The following SH3BP4 variants were observed in gnomAD, a reference collection of about 807,000 sequenced individuals.
The protein encoded by SH3BP4 is SH3 domain binding protein 4.
SH3BP4 carries 33 observed loss-of-function variants against 65.5 expected under a neutral mutation model. The ratio of observed to expected loss-of-function variants is 0.50; its 90% CI spans 0.38 to 0.67. The LOEUF (loss-of-function observed/expected upper bound fraction) is 0.67. SH3BP4 is among the 30% of genes least tolerant of loss of function. SH3BP4 has a pLI of 0.00. For missense variants in SH3BP4, 1,134 were observed against 1,261.4 expected, an observed-to-expected ratio of 0.90 and a Z score of 1.53; for synonymous variants, 552 against 545.5, an observed-to-expected ratio of 1.01 and a Z score of -0.17.
chr2:234,988,638 C>T (rs987832769), intron 1 of SH3BP4, among the ~76,000 whole-genome samples: 1 of 152,158 alleles, frequency 6.6e-6, no homozygotes, highest in African/African-American at 2.4e-5. Context: ...CCTCCTCCAC[C>T]GCCCTGCCAG....
Position 235,026,523 on chromosome 2 carries a change from A to C in SH3BP4, c.-132-8348A>C, listed in dbSNP as rs1432404817. ...TCCATTCTTTTGTTGATTTGTCTCC[A>C]ATACGGGTTCCCTCAAAACCAACTC... On this transcript the variant is annotated intron_variant, in intron 2 of 5. Transcript: ENST00000392011. This position sits in a 1 kb window ranked among gnomAD's most constrained non-coding sequence, Gnocchi z 4.6. Among the ~76,000 whole-genome samples the C allele has an allele frequency of 1.3e-5, 2 of 152,108 alleles. No individual in the cohort carries two copies. Among genetic ancestry groups the C allele is most frequent in the Admixed American group, 1.3e-4 (2 of 15,270 alleles).
At chr2:234,964,970 G>A (rs562902350) in intron 1 of SH3BP4, among the ~76,000 whole-genome samples, 8 of 152,226 alleles carry the variant, frequency 5.3e-5, no homozygotes, top group Non-Finnish European at 1.0e-4. Context: ...CTGGCACTAC[G>A]TGTAGCAGAG....
chr2:234,990,524 T>C (rs1039699585), intron 1 of SH3BP4, among the ~76,000 whole-genome samples: 21 of 152,278 alleles, frequency 1.4e-4, no homozygotes, highest in African/African-American at 4.8e-4. Context: ...TGTGTGTTCC[T>C]GCATATTCCC....
Position 234,978,495 on chromosome 2 carries a change from C to G in SH3BP4, c.-206-16808C>G, listed in dbSNP as rs539580884. Reference sequence around the variant, plus strand: ...GGTCATCCGTCCAGCACTCTGTGCTCGCTGACTGGTGCGGTGAACTCTCCG... The same window carrying G: ...GGTCATCCGTCCAGCACTCTGTGCTGGCTGACTGGTGCGGTGAACTCTCCG... On this transcript the variant is annotated intron_variant, in intron 1 of 5. Transcript: ENST00000392011. This position sits in a 1 kb window ranked among gnomAD's most constrained non-coding sequence, Gnocchi z 4.1. 6.6e-6 allele frequency among the ~76,000 whole-genome samples: 1 copy of G among 152,222 alleles called. No homozygotes were observed.
chr2:235,028,848 C>T (rs557630859), intron 2 of SH3BP4, among the ~76,000 whole-genome samples: 9 of 152,188 alleles, frequency 5.9e-5, no homozygotes, highest in Admixed American at 1.3e-4. Flanking sequence ...GCAAAGGCCC[C>T]GTGGTGGGAG....
At chr2:234,955,827 A>T (rs1692573190) in intron 1 of SH3BP4, among the ~76,000 whole-genome samples, 1 of 152,204 alleles carries the variant, frequency 6.6e-6, no homozygotes. Flanking sequence ...TTGAATCCTC[A>T]CGAAAACTAC....
chr2:234,997,344 C>G lies in SH3BP4; in HGVS notation c.-133+1968C>G, dbSNP rs901261128. On this transcript the variant is annotated intron_variant, in intron 2 of 5. Coordinates refer to ENST00000392011, the MANE Select transcript of SH3BP4 (RefSeq NM_014521.3). This position sits in a 1 kb window ranked among gnomAD's most constrained non-coding sequence, Gnocchi z 4.2. Reference sequence around the variant, plus strand: ...ACCCAGGGTTTCCATTTCCAGGCCCCGAGTTTTGTCCGTGGCAAATTTCGT... The same window carrying G: ...ACCCAGGGTTTCCATTTCCAGGCCCGGAGTTTTGTCCGTGGCAAATTTCGT... 6.6e-6 allele frequency among the ~76,000 whole-genome samples: 1 copy of G among 152,176 alleles called. No homozygotes were observed. Among genetic ancestry groups the G allele is most frequent in the Non-Finnish European group, 1.5e-5 (1 of 68,034 alleles).
intron 2 of SH3BP4, among the ~76,000 whole-genome samples, chr2:235,003,832 G>C (rs1694208113): frequency 1.3e-5 from 2 of 152,212 alleles, no homozygotes; most frequent in Non-Finnish European, 2.9e-5. Context: ...CCCCACCCCT[G>C]TCCTCACCTC....
At position 234,997,159 on chromosome 2, in the gene SH3BP4, G is replaced by A. The variant is rs1434453423; in HGVS notation, c.-133+1783G>A. ...GGGTGGGGTGTAGGGGTGCTTGGGG[G>A]CGTGGGTCCCCACAGCAGTTAGAGA... On this transcript the variant is annotated intron_variant, in intron 2 of 5. Transcript: ENST00000392011. The surrounding 1 kb of genome is among the most constrained non-coding windows in gnomAD (Gnocchi z 4.2). Among the ~76,000 whole-genome samples the A allele has an allele frequency of 6.6e-6, 1 of 152,184 alleles. No homozygotes were observed. Among genetic ancestry groups the A allele is most frequent in the Non-Finnish European group, 1.5e-5 (1 of 68,032 alleles).
At chr2:234,956,999 C>G (rs573752296) in intron 1 of SH3BP4, among the ~76,000 whole-genome samples, 1 of 152,040 alleles carries the variant, frequency 6.6e-6, no homozygotes, top group Non-Finnish European at 1.5e-5. Context: ...ATTTCTGTGA[C>G]GTAAATATTC....
intron 2 of SH3BP4, among the ~76,000 whole-genome samples, chr2:235,008,836 C>T (rs931668642): frequency 6.6e-6 from 1 of 152,182 alleles, no homozygotes; most frequent in African/African-American, 2.4e-5. Flanking sequence ...ACACACTTTG[C>T]TCATTTATGC....
rs1004946473 is a variant in SH3BP4, at chr2:235,055,054, G to C, written c.*1238G>C. The stretch of plus-strand genomic sequence containing the variant: ...CACATAAAATCAGGAACTTGACACA[G>C]TGTTGCATTAATAACTTTAGGGTGC... On this transcript the variant is annotated 3_prime_UTR_variant, in exon 6 of 6. Transcript: ENST00000392011. 1.8e-4 allele frequency: 27 copies of C among 152,220 alleles called. No individual in the cohort carries two copies. Among genetic ancestry groups the C allele is most frequent in the African/African-American group, 6.5e-4 (27 of 41,444 alleles). The allele number at this position is 152,220 out of a possible 1,614,324, so 9.4% of individuals were successfully genotyped here. A position where few individuals can be genotyped will look rare whatever the true frequency, so the allele number is the denominator to read the frequency against.
chr2:235,005,079 T>TAACAC (rs1043748063), intron 2 of SH3BP4, among the ~76,000 whole-genome samples: 1 of 152,216 alleles, frequency 6.6e-6, no homozygotes, highest in Non-Finnish European at 1.5e-5. Context: ...CCCTGGGTGT[T>TAACAC]AACACAGGAC....
intron 2 of SH3BP4, among the ~76,000 whole-genome samples, chr2:235,027,242 C>T (rs186833939): frequency 6.6e-4 from 101 of 152,328 alleles, no homozygotes; most frequent in African/African-American, 2.2e-3. Flanking sequence ...GGCAGATTTC[C>T]GTGATTTTGC....
intron 2 of SH3BP4, among the ~76,000 whole-genome samples, chr2:235,028,409 G>C (rs1363374948): frequency 2.6e-5 from 4 of 152,238 alleles, no homozygotes; most frequent in Non-Finnish European, 5.9e-5. Flanking sequence ...TTTTGAGAAT[G>C]TGTGGCTTAG....
At chr2:234,980,973 C>A (rs1389434543) in intron 1 of SH3BP4, among the ~76,000 whole-genome samples, 1 of 152,134 alleles carries the variant, frequency 6.6e-6, no homozygotes, top group African/African-American at 2.4e-5. Flanking sequence ...CCCACTGCAA[C>A]CTCCGCCTCC....
chr2:235,053,142 G>A (rs927090588), intron 5 of SH3BP4, among the ~76,000 whole-genome samples: 1 of 152,230 alleles, frequency 6.6e-6, no homozygotes, highest in Non-Finnish European at 1.5e-5. Flanking sequence ...CAAAGCCGGT[G>A]TGGCCGGGCT....
intron 2 of SH3BP4, among the ~76,000 whole-genome samples, chr2:235,024,545 T>C (rs939606969): frequency 2.6e-5 from 4 of 152,160 alleles, no homozygotes; most frequent in African/African-American, 9.7e-5. Context: ...AGGAACAGTA[T>C]TAAACCCTAG....
intron 2 of SH3BP4, among the ~76,000 whole-genome samples, chr2:235,011,294 G>A (rs1004839792): frequency 2.0e-5 from 3 of 152,056 alleles, no homozygotes; most frequent in Non-Finnish European, 2.9e-5. Context: ...TTAAAGCCAC[G>A]TTCCTTCAAA....
Sources: gnomAD v4.1 joint callset for allele counts (sites outside exome capture counted in the v4.1 genomes callset) on GRCh38, gnomAD v4.1.1 for gene constraint, Gnocchi (gnomAD v3.1) non-coding constraint, MANE v1.5 for transcripts, NCBI Gene and HGNC (gene_info 2026-07-23, HGNC 2026-07-21) for gene names.